Variants in PXDNL observed in about 807,000 individuals in gnomAD.
PXDNL encodes the protein peroxidasin like.
Under a neutral mutation model 150.8 loss-of-function variants are expected in PXDNL, and 145 were observed. The observed-to-expected ratio is 0.96, with a 90% CI of 0.84 to 1.10. The LOEUF (loss-of-function observed/expected upper bound fraction) is 1.10, where lower values mean the gene tolerates loss of function less well. Among genes scored for constraint, PXDNL ranks in the 50% least tolerant of loss-of-function variants. The pLI, the probability that PXDNL is intolerant of heterozygous loss-of-function variation, is 0.00. For missense variants in PXDNL, 2,087 were observed against 1,873.9 expected, an observed-to-expected ratio of 1.11 and a Z score of -2.10; for synonymous variants, 757 against 725.7, an observed-to-expected ratio of 1.04 and a Z score of -0.69.
chr8:51,624,334 A>G (rs1445691870), intron 2 of PXDNL, among the ~76,000 whole-genome samples: 1 of 152,092 alleles, frequency 6.6e-6, no homozygotes, highest in East Asian at 1.9e-4. Flanking sequence ...GAGAAAATAC[A>G]ACAGTAAGTC....
chr8:51,793,819 G>A (rs1040584156), intron 1 of PXDNL, among the ~76,000 whole-genome samples: 3 of 152,016 alleles, frequency 2.0e-5, no homozygotes, highest in African/African-American at 7.3e-5. Context: ...CTTGAATCTG[G>A]GAGGCAGAGG....
At chr8:51,527,349 C>T (rs1585550871) in intron 4 of PXDNL, among the ~76,000 whole-genome samples, 1 of 152,184 alleles carries the variant, frequency 6.6e-6, no homozygotes, top group East Asian at 1.9e-4. Flanking sequence ...CTCATATTTC[C>T]ATTTGCTTGA....
At chr8:51,405,064 C>T (rs898604171) in intron 17 of PXDNL, among the ~76,000 whole-genome samples, 4 of 152,196 alleles carry the variant, frequency 2.6e-5, no homozygotes, top group African/African-American at 7.2e-5. Context: ...AAGCCCCTCA[C>T]TGCCTGGGGC....
intron 19 of PXDNL, among the ~76,000 whole-genome samples, chr8:51,359,404 A>T (rs1586032088): frequency 6.6e-6 from 1 of 152,218 alleles, no homozygotes; most frequent in East Asian, 1.9e-4. Context: ...AAGGAGGTTG[A>T]TCTCTGTTGA....
At position 51,457,617 on chromosome 8, in the gene PXDNL, C is replaced by T. The variant is rs1809965303; in HGVS notation, c.863G>A (p.Gly288Asp). The T allele has an allele frequency of 6.2e-7, 1 of 1,613,560 alleles. No individual in the cohort carries two copies. Reference sequence around the variant, plus strand: ...TCTGGTGTTTCGGATCATGAGTGTGCCATCATCAAACACATTAAGTCGAGT... The same window carrying T: ...TCTGGTGTTTCGGATCATGAGTGTGTCATCATCAAACACATTAAGTCGAGT... ...DDTRLNVFDD[G>D]TLMIRNTRES... Residue 288 changes from glycine to aspartate, a missense_variant, in exon 9 of 23, where the codon GGC (glycine) becomes GAC (aspartate). Coordinates refer to ENST00000356297, the MANE Select transcript of PXDNL (RefSeq NM_144651.5).
chr8:51,521,827 C>T (rs1419023494), intron 4 of PXDNL, among the ~76,000 whole-genome samples: 1 of 152,074 alleles, frequency 6.6e-6, no homozygotes, highest in Admixed American at 6.6e-5. Context: ...CTGAACTTCT[C>T]ATTAGAAACC....
intron 12 of PXDNL, among the ~76,000 whole-genome samples, chr8:51,427,877 T>C (rs1276761313): frequency 6.6e-6 from 1 of 152,220 alleles, no homozygotes; most frequent in Middle Eastern, 3.4e-3. Context: ...TTCTAGCCTG[T>C]GCACCATGGC....
intron 16 of PXDNL, 29 bp from the exon 17 acceptor site, chr8:51,409,590 G>C: frequency 6.5e-7 from 1 of 1,529,376 alleles, no homozygotes; most frequent in Non-Finnish European, 8.8e-7. Context: ...AAGCCGTGAG[G>C]AGGGCGGGCC....
intron 3 of PXDNL, among the ~76,000 whole-genome samples, chr8:51,591,506 C>A (rs1356950548): frequency 6.6e-6 from 1 of 152,148 alleles, no homozygotes; most frequent in Non-Finnish European, 1.5e-5. Context: ...TAAATTTGGT[C>A]AGAGCTAAAG....
intron 2 of PXDNL, among the ~76,000 whole-genome samples, chr8:51,596,080 T>C (rs1422181396): frequency 6.6e-6 from 1 of 152,114 alleles, no homozygotes; most frequent in East Asian, 1.9e-4. Flanking sequence ...ATCCCCAGTG[T>C]CTATTGTTGC....
intron 1 of PXDNL, among the ~76,000 whole-genome samples, chr8:51,746,595 G>T (rs4873592): frequency 0.79 from 119,811 of 152,082 alleles, 47,418 homozygotes; most frequent in East Asian, 0.88. Flanking sequence ...TCAAAAGCTT[G>T]TTACACATGT....
chr8:51,471,692 GTT>G (rs1259282777), intron 8 of PXDNL, among the ~76,000 whole-genome samples: 1 of 142,286 alleles, frequency 7.0e-6, no homozygotes. Context: ...TTTTTTTTTG[GTT>G]TTTTTTTTTT....
chr8:51,347,742 C>T (rs1806204155), intron 19 of PXDNL, among the ~76,000 whole-genome samples: 1 of 148,528 alleles, frequency 6.7e-6, no homozygotes, highest in Admixed American at 6.6e-5. Flanking sequence ...CGCGCCCGAC[C>T]TATTGCTACT....
At chr8:51,463,992 A>G (rs147516719) in intron 8 of PXDNL, among the ~76,000 whole-genome samples, 54 of 151,834 alleles carry the variant, frequency 3.6e-4, no homozygotes, top group African/African-American at 1.3e-3. Context: ...AAGTTAAGAA[A>G]GATCTCAAAT....
chr8:51,417,257 G>T (rs1263753645), intron 14 of PXDNL, among the ~76,000 whole-genome samples: 1 of 151,918 alleles, frequency 6.6e-6, no homozygotes, highest in Non-Finnish European at 1.5e-5. Context: ...TAAGTCTCAG[G>T]GTAATAAAAA....
At position 51,701,267 on chromosome 8, in the gene PXDNL, A is replaced by G. The variant is rs1408602013; in HGVS notation, c.165-46507T>C. On this transcript the variant is annotated intron_variant, in intron 1 of 22. Transcript: ENST00000356297. ...TATTATATGTATATTACAGGTGAAA[A>G]TAAAAACTGATGGATGCAGGCGAAT... 1.8e-4 allele frequency among the ~76,000 whole-genome samples: 27 copies of G among 152,138 alleles called. 1 individual carries two copies.
At chr8:51,727,484 G>T (rs1265201239) in intron 1 of PXDNL, among the ~76,000 whole-genome samples, 1 of 152,144 alleles carries the variant, frequency 6.6e-6, no homozygotes, top group African/African-American at 2.4e-5. Context: ...GTCTACTGTT[G>T]CAGGATCACT....
rs557887987 is a variant in PXDNL at position 51,450,881 on chromosome 8, G to A, written c.1250-1763C>T. ...AGTAGAAAAGATAGTAGAGAATCTGGGCCGCTCAACCCCCAGCCTGATGTT... is the reference window on the plus strand; with the variant it reads ...AGTAGAAAAGATAGTAGAGAATCTGAGCCGCTCAACCCCCAGCCTGATGTT... On this transcript the variant is annotated intron_variant, in intron 10 of 22. Transcript: ENST00000356297. Among the ~76,000 whole-genome samples the A allele has an allele frequency of 2.9e-4, 44 of 152,058 alleles. No homozygotes were observed. In the South Asian group the frequency reaches 9.1e-3, roughly 32 times the overall value.
intron 5 of PXDNL, among the ~76,000 whole-genome samples, chr8:51,495,837 A>C (rs1341775730): frequency 1.3e-5 from 2 of 152,216 alleles, no homozygotes; most frequent in Non-Finnish European, 2.9e-5. Context: ...TCACAGCCAA[A>C]TTCTACCAGA....
Sources: allele counts gnomAD v4.1 joint callset (sites outside exome capture counted in the v4.1 genomes callset), GRCh38; gene constraint gnomAD v4.1.1; transcripts MANE v1.5; gene names NCBI Gene and HGNC (gene_info 2026-07-23, HGNC 2026-07-21).